P2RY8: variants seen among roughly 807,000 people sequenced by gnomAD.
P2RY8 encodes the protein S-geranylgeranyl-glutathione receptor P2RY8.
Under a neutral mutation model 10.0 loss-of-function variants are expected in P2RY8, and 6 were observed. The ratio of observed to expected loss-of-function variants is 0.60; its 90% confidence interval spans 0.33 to 1.19. The LOEUF is 1.19. Ranked by LOEUF, P2RY8 falls within the 50% of genes most tolerant of loss-of-function variation. The pLI, the probability that P2RY8 is intolerant of heterozygous loss-of-function variation, is 0.04. For synonymous variants in P2RY8, 276 were observed against 252.5 expected (o/e 1.09, Z -0.88); for missense variants, 456 against 542.0 (o/e 0.84, Z 1.58).
At chrX:1,487,061 G>A (rs181202202) in intron 1 of P2RY8, among the ~76,000 whole-genome samples, 12 of 152,342 alleles carry the variant, frequency 7.9e-5, no homozygotes, top group African/African-American at 1.4e-4. Context: ...GTCTGGGGCC[G>A]GCTGCGCAAG....
rs2149369598 is a variant in P2RY8, at chrX:1,465,881, C to A, written c.678G>T (p.Ala226=). ...CGCGCCTCCGCTGCTCCCGGCCGTG[C>A]GCCTCCTCCGTGCGCAACAGCTTGA... ...TILKLLRTEE[A]HGREQRRRAV... is the part of the protein sequence containing the mutation. Residue 226 remains alanine, a synonymous_variant, in exon 2 of 2, where the codon GCG becomes GCT. Transcript: ENST00000381297. 6.2e-7 allele frequency: 1 copy of A among 1,612,390 alleles called. No individual in the cohort carries two copies. Among genetic ancestry groups the A allele is most frequent in the South Asian group, 1.1e-5 (1 of 91,034 alleles).
At chrX:1,506,426 T>C (rs2092233917) in intron 1 of P2RY8, among the ~76,000 whole-genome samples, 1 of 151,934 alleles carries the variant, frequency 6.6e-6, no homozygotes, top group Non-Finnish European at 1.5e-5. Flanking sequence ...CACCAGGCTA[T>C]AGATGGAGAT....
intron 1 of P2RY8, among the ~76,000 whole-genome samples, chrX:1,472,701 TGGATGTGTGGATGAATG>T: frequency 6.4e-5 from 1 of 15,618 alleles, no homozygotes; most frequent in Non-Finnish European, 1.1e-4. Context: ...GGTGGGAGGG[TGGATGTGTGGATGAATG>T]GTGGGTGGGT....
rs751517057 is a variant in P2RY8, at chrX:1,512,483, G to C, written c.-25+24438C>G. Among the ~76,000 whole-genome samples the C allele has an allele frequency of 4.1e-5, 6 of 146,156 alleles. No homozygotes were observed. In the East Asian group the frequency reaches 6.2e-4, roughly 15 times the overall value. Reference sequence around the variant, plus strand: ...AATCGCTTGAACCTGGGAGGTGGAGGTTGCAGTGGGCTGAGATCATGCCAT... The same window carrying C: ...AATCGCTTGAACCTGGGAGGTGGAGCTTGCAGTGGGCTGAGATCATGCCAT... On this transcript the variant is annotated intron_variant, in intron 1 of 1. Coordinates refer to ENST00000381297, the MANE Select transcript of P2RY8 (RefSeq NM_178129.5).
At chrX:1,532,727 T>C (rs111607431) in intron 1 of P2RY8, among the ~76,000 whole-genome samples, 11,141 of 151,608 alleles carry the variant, frequency 0.073, 553 homozygotes, top group Non-Finnish European at 0.11. Context: ...AACGGCCGGA[T>C]GCGGTGGCTC....
intron 1 of P2RY8, among the ~76,000 whole-genome samples, chrX:1,484,387 A>C (rs2091967459): frequency 6.6e-6 from 1 of 152,202 alleles, no homozygotes; most frequent in African/African-American, 2.4e-5. Flanking sequence ...ATATTTTAAA[A>C]GATTTCAAAG....
intron 1 of P2RY8, among the ~76,000 whole-genome samples, chrX:1,516,067 G>T (rs775803463): frequency 2.0e-5 from 3 of 150,870 alleles, no homozygotes; most frequent in African/African-American, 2.4e-5. Context: ...CGCGGTGGCA[G>T]GCACCTGTAA....
At chrX:1,530,944 A>G (rs1460229484) in intron 1 of P2RY8, among the ~76,000 whole-genome samples, 5 of 151,824 alleles carry the variant, frequency 3.3e-5, no homozygotes, top group Non-Finnish European at 7.4e-5. Context: ...CTATGTATCT[A>G]TCTATCTAAT....
chrX:1,469,057 CCCTCTCCTTCCCTCTCCCCTTCCCTCTCT>C lies in P2RY8; in HGVS notation c.-24-2504_-24-2476del, dbSNP rs1348399158. On this transcript the variant is annotated intron_variant, in intron 1 of 1. Coordinates refer to ENST00000381297, the MANE Select transcript of P2RY8 (RefSeq NM_178129.5). ...CTCCCCTTCCTTCTCCTTCCCTCTC[CCCTCTCCTTCCCTCTCCCCTTCCCTCTCT>C]CCTCTCCTTCCCTCTCTCCTCTCCT... is the stretch of plus-strand genomic sequence containing the variant. 2.8e-3 allele frequency among the ~76,000 whole-genome samples: 39 copies of C among 13,714 alleles called. 4 individuals are homozygous for C. The highest frequency in any genetic ancestry group is 0.016 in the African/African-American group (30 of 1,902). The allele number at this position is 13,714 out of a possible 152,430, so 9.0% of individuals were successfully genotyped here. A position where few individuals can be genotyped will look rare whatever the true frequency, so the allele number is the denominator to read the frequency against.
intron 1 of P2RY8, among the ~76,000 whole-genome samples, chrX:1,534,690 G>GGA (rs1287967700): frequency 2.0e-5 from 3 of 152,150 alleles, no homozygotes; most frequent in African/African-American, 4.8e-5. Context: ...AGAGGGCGCA[G>GGA]GAGAGAGACT....
At chrX:1,513,549 T>C (rs2092316069) in intron 1 of P2RY8, among the ~76,000 whole-genome samples, 1 of 150,514 alleles carries the variant, frequency 6.6e-6, no homozygotes, top group South Asian at 2.1e-4. Flanking sequence ...TCCTCTTCTG[T>C]CTCTTACAAG....
chrX:1,504,748 A>C (rs1261439845), intron 1 of P2RY8, among the ~76,000 whole-genome samples: 3 of 152,204 alleles, frequency 2.0e-5, no homozygotes, highest in Admixed American at 6.5e-5. Flanking sequence ...GCACTTTGGG[A>C]GGCTGATGCG....
rs755336117 is a variant in P2RY8 at position 1,464,551 on chromosome X, G to A, written c.*928C>T. 5 of 233,452 alleles carry A rather than the reference G, an allele frequency of 2.1e-5. No homozygotes were observed. Among genetic ancestry groups the A allele is most frequent in the South Asian group, 1.8e-4 (1 of 5,532 alleles). 14.5% of individuals were successfully genotyped at this position (233,452 alleles called of 1,614,324 possible). On this transcript the variant is annotated 3_prime_UTR_variant, in exon 2 of 2. Transcript: ENST00000381297. ...AATGGGCAGGAGGTGGGGAACTCCC[G>A]AATCAAGCTGCACCCTTGTGTTGGG...
At chrX:1,525,719 C>T (rs1381798915) in intron 1 of P2RY8, among the ~76,000 whole-genome samples, 21 of 151,892 alleles carry the variant, frequency 1.4e-4, no homozygotes, top group Admixed American at 4.6e-4. Context: ...ATTTATCCAT[C>T]GGTTCATTCA....
intron 1 of P2RY8, among the ~76,000 whole-genome samples, chrX:1,497,089 G>A (rs1312752812): frequency 6.6e-6 from 1 of 150,510 alleles, no homozygotes; most frequent in African/African-American, 2.4e-5. Context: ...CGTGGTGGTG[G>A]CGGGTGCCTG....
chrX:1,466,580 G>A lies in P2RY8; in HGVS notation c.-22C>T, dbSNP rs773717098. 5.5e-5 allele frequency: 87 copies of A among 1,591,330 alleles called. No individual in the cohort carries two copies. The South Asian group carries it at 8.7e-4, about 16-fold the overall frequency. ...GCATCCTGGAGGGGTCCTCGCCCGG[G>A]CTCTGCAAGGGAAGGAGGGAAGGGT... On this transcript the variant is annotated splice_region_variant and 5_prime_UTR_variant, in exon 2 of 2. Transcript: ENST00000381297.
At chrX:1,486,788 C>T (rs1301707349) in intron 1 of P2RY8, among the ~76,000 whole-genome samples, 2 of 152,162 alleles carry the variant, frequency 1.3e-5, no homozygotes, top group Admixed American at 1.3e-4. Flanking sequence ...GGTTTACTTC[C>T]TGCGTCTGAG....
chrX:1,493,437 A>T (rs2092083101), intron 1 of P2RY8, among the ~76,000 whole-genome samples: 1 of 28,624 alleles, frequency 3.5e-5, no homozygotes, highest in Non-Finnish European at 7.6e-5. Context: ...GGAGGGAGGG[A>T]AGGAGGAGGA....
chrX:1,499,978 C>A (rs2092159225), intron 1 of P2RY8, among the ~76,000 whole-genome samples: 1 of 138,226 alleles, frequency 7.2e-6, no homozygotes, highest in Non-Finnish European at 1.6e-5. Context: ...CCTGCCTCAG[C>A]CTCCCGAGTA....
Sources: gnomAD v4.1 joint callset for allele counts (sites outside exome capture counted in the v4.1 genomes callset) on GRCh38, gnomAD v4.1.1 for gene constraint, MANE v1.5 for transcripts, NCBI Gene and HGNC (gene_info 2026-07-23, HGNC 2026-07-21) for gene names.